Variants in OTOR observed in about 807,000 individuals in gnomAD.
OTOR encodes the protein fibrocyte-derived protein.
OTOR carries 20 observed loss-of-function variants against 15.9 expected under a neutral mutation model. The ratio of observed to expected loss-of-function variants is 1.26; its 90% CI spans 0.89 to 1.83. The LOEUF (loss-of-function observed/expected upper bound fraction) is 1.83, where lower values mean the gene tolerates loss of function less well. OTOR is among the 40% of genes most tolerant of loss of function. The probability of loss-of-function intolerance (pLI) is 0.00; values close to 1 mark genes in which losing one functional copy is unlikely to be tolerated. For missense variants in OTOR, 184 were observed against 159.0 expected (o/e 1.16, Z -0.85); for synonymous variants, 53 against 54.2 (o/e 0.98, Z 0.09).
chr20:16,749,135 A>G, intron 2 of OTOR, 129 bp downstream of exon 2: 2 of 531,354 alleles, frequency 3.8e-6, no homozygotes, highest in East Asian at 6.8e-5. Context: ...GGAAATGCAA[A>G]AATTCAGGTA....
Position 16,752,131 on chromosome 20 carries a change from T to A in OTOR, c.*1013T>A, listed in dbSNP as rs982819875. On this transcript the variant is annotated 3_prime_UTR_variant, in exon 4 of 4. Transcript: ENST00000246081. ...GATGTAGTCATGAGTTTTTCTTTGTTTGCATATAATTAAAATGCCTCTACT... is the reference window on the plus strand; with the variant it reads ...GATGTAGTCATGAGTTTTTCTTTGTATGCATATAATTAAAATGCCTCTACT... 2.0e-5 allele frequency: 3 copies of A among 152,254 alleles called. No homozygotes were observed. The highest frequency in any genetic ancestry group is 7.2e-5 in the African/African-American group (3 of 41,472). 9.4% of individuals were successfully genotyped at this position (152,254 alleles called of 1,614,324 possible). A position where few individuals can be genotyped will look rare whatever the true frequency, so the allele number is the denominator to read the frequency against.
At position 16,751,253 on chromosome 20, in the gene OTOR, A is replaced by G. The variant is rs556874670; in HGVS notation, c.*135A>G. 9.7e-6 allele frequency: 6 copies of G among 616,816 alleles called. No individual in the cohort carries two copies. Among genetic ancestry groups the G allele is most frequent in the South Asian group, 2.2e-5 (1 of 44,732 alleles). 38.2% of individuals were successfully genotyped at this position (616,816 alleles called of 1,614,324 possible). On this transcript the variant is annotated 3_prime_UTR_variant, in exon 4 of 4. Coordinates refer to ENST00000246081, the MANE Select transcript of OTOR (RefSeq NM_020157.4). ...TTACCTTACAGAAGAGCAAGGGCTT[A>G]GGGGTTGGAGGTGGCAGATAAAAGA... is the stretch of plus-strand genomic sequence containing the variant.
intron 3 of OTOR, among the ~76,000 whole-genome samples, chr20:16,750,805 G>A (rs548162208): frequency 6.6e-6 from 1 of 152,278 alleles, no homozygotes; most frequent in Admixed American, 6.5e-5. Flanking sequence ...GCTAATTGTT[G>A]TGCTTCAAAC....
chr20:16,749,056 T>C lies in OTOR; in HGVS notation c.255+50T>C, dbSNP rs370411087. On this transcript the variant is annotated intron_variant, in intron 2 of 3. Transcript: ENST00000246081. ...ACGAATATTGCTCTTAACCTTTCCT[T>C]GATTACCTACCTTCAACCTATTTTA... 21 of 1,360,874 alleles carry C rather than the reference T, an allele frequency of 1.5e-5. No individual in the cohort carries two copies. The African/African-American group carries it at 2.7e-4, about 17-fold the overall frequency. The allele number at this position is 1,360,874 out of a possible 1,614,324, so 84.3% of individuals were successfully genotyped here.
intron 3 of OTOR, 148 bp from the exon 4 acceptor site, chr20:16,750,947 A>G (rs1422815092): frequency 1.5e-6 from 1 of 657,112 alleles, no homozygotes; most frequent in Non-Finnish European, 2.6e-6. Flanking sequence ...TTAAAGTGGT[A>G]AATATTTCAT....
rs867802471 is a variant in OTOR at position 16,748,922 on chromosome 20, C to A, written c.171C>A (p.Phe57Leu). Residue 57 changes from phenylalanine to leucine, a missense_variant, in exon 2 of 4, where the codon TTC becomes TTA. Coordinates refer to ENST00000246081, the MANE Select transcript of OTOR (RefSeq NM_020157.4). ...ATTATAATGCCCCGGACTGTAGATTCATTAACGTTAAAAAAGGGCAGCAGA... is the reference window on the plus strand; with the variant it reads ...ATTATAATGCCCCGGACTGTAGATTAATTAACGTTAAAAAAGGGCAGCAGA... ...QEDYNAPDCR[F>L]INVKKGQQIY... The A allele has an allele frequency of 7.4e-6, 12 of 1,611,250 alleles. No homozygotes were observed. Among genetic ancestry groups the A allele is most frequent in the Non-Finnish European group, 1.0e-5 (12 of 1,178,364 alleles).
At chr20:16,750,053 G>C (rs202189493) in intron 3 of OTOR, 43 bp downstream of exon 3, 19 of 1,275,592 alleles carry the variant, frequency 1.5e-5, no homozygotes, top group Admixed American at 7.0e-5. Context: ...CAGATCTTGG[G>C]GCAATGTAGG....
chr20:16,749,834 C>T (rs6075101), intron 2 of OTOR, 69 bp from the exon 3 acceptor site: 666,417 of 1,030,844 alleles, frequency 0.65, 218,127 homozygotes, highest in South Asian at 0.82. Flanking sequence ...GCAAAGAGGA[C>T]GCCTGCGAGT....
intron 2 of OTOR, 58 bp downstream of exon 2, chr20:16,749,064 T>TA (rs1249882770): frequency 4.7e-6 from 6 of 1,277,946 alleles, no homozygotes; most frequent in Non-Finnish European, 6.5e-6. Flanking sequence ...CTTGATTACC[T>TA]ACCTTCAACC....
At chr20:16,749,566 A>G (rs933017845) in intron 2 of OTOR, 4 of 221,168 alleles carry the variant, frequency 1.8e-5, no homozygotes, top group African/African-American at 6.8e-5. Context: ...ATCATTTAAA[A>G]TAAGTGTCTA....
At chr20:16,749,157 G>T in intron 2 of OTOR, 151 bp downstream of exon 2, 1 of 461,590 alleles carries the variant, frequency 2.2e-6, no homozygotes, top group Non-Finnish European at 3.6e-6. Flanking sequence ...ATTTGCTATT[G>T]CATTTTAAAG....
At position 16,748,974 on chromosome 20, in the gene OTOR, G is replaced by T. The variant is rs745852897; in HGVS notation, c.223G>T (p.Glu75Ter). 22 of 1,607,310 alleles carry T rather than the reference G, an allele frequency of 1.4e-5. No individual in the cohort carries two copies. In the East Asian group the frequency reaches 4.7e-4, roughly 34 times the overall value. Residue 75 changes from glutamate (E) to a stop codon, truncating the protein, a stop_gained, in exon 2 of 4, where the codon GAA becomes TAA. Transcript: ENST00000246081. LOFTEE classifies it high-confidence loss of function. ...CTATGTGTACTCAAAGCTGGTAAAA[G>T]AAAATGGAGCTGGAGAATTTTGGGC... Reference protein sequence around the residue: ...QIYVYSKLVKENGAGEFWAGS... With the variant: ...QIYVYSKLVK
chr20:16,748,958 C>T lies in OTOR; in HGVS notation c.207C>T (p.Tyr69=), dbSNP rs2122519357. ...NVKKGQQIYV[Y]SKLVKENGAG... The stretch of plus-strand genomic sequence containing the variant: ...AAAAAGGGCAGCAGATCTATGTGTA[C>T]TCAAAGCTGGTAAAAGAAAATGGAG... Residue 69 remains tyrosine (Y), a synonymous_variant, in exon 2 of 4, where the codon TAC becomes TAT. Transcript: ENST00000246081. 1 of 1,611,674 alleles carries T rather than the reference C, an allele frequency of 6.2e-7. No homozygotes were observed. The highest frequency in any genetic ancestry group is 2.2e-5 in the East Asian group (1 of 44,732).
At position 16,751,083 on chromosome 20, in the gene OTOR, G is replaced by A. The variant is rs1440418817; in HGVS notation, c.364-12G>A. 3.3e-6 allele frequency: 5 copies of A among 1,529,898 alleles called. No homozygotes were observed. In the Middle Eastern group the frequency reaches 8.6e-4, roughly 264 times the overall value. 94.8% of individuals were successfully genotyped at this position (1,529,898 alleles called of 1,614,324 possible). ...TTTCGTTCAATCTTTTTTTGTTTTT[G>A]TTTTTTTCCAGGATATTGACTTCTT... is the stretch of plus-strand genomic sequence containing the variant. On this transcript the variant is annotated splice_polypyrimidine_tract_variant and intron_variant, in intron 3 of 3. Coordinates refer to ENST00000246081, the MANE Select transcript of OTOR (RefSeq NM_020157.4).
chr20:16,751,191 C>T lies in OTOR; in HGVS notation c.*73C>T. ...AAAGAGCAAAAGTGGCCAAAAAATG[C>T]ATGTCTGTAATTTTGGACTGACGTT... On this transcript the variant is annotated 3_prime_UTR_variant, in exon 4 of 4. Coordinates refer to ENST00000246081, the MANE Select transcript of OTOR (RefSeq NM_020157.4). The T allele has an allele frequency of 9.5e-7, 1 of 1,054,174 alleles. No individual in the cohort carries two copies. Among genetic ancestry groups the T allele is most frequent in the Non-Finnish European group, 1.4e-6 (1 of 721,024 alleles). 65.3% of individuals were successfully genotyped at this position (1,054,174 alleles called of 1,614,324 possible).
chr20:16,751,095 G>A lies in OTOR; in HGVS notation c.364G>A (p.Asp122Asn). Residue 122 changes from aspartate (D) to asparagine (N), a missense_variant and splice_region_variant, in exon 4 of 4, where the codon GAT becomes AAT. Asp to Asn is a conservative substitution (Grantham distance 23). Transcript: ENST00000246081. ...QEATKEVPTT[D>N]IDFFCE ...TTTTTTTGTTTTTGTTTTTTTCCAG[G>A]ATATTGACTTCTTCTGCGAGTAATA... 6.5e-7 allele frequency: 1 copy of A among 1,539,378 alleles called. No homozygotes were observed. The highest frequency in any genetic ancestry group is 8.8e-7 in the Non-Finnish European group (1 of 1,137,676).
chr20:16,750,509 G>C (rs960546634), intron 3 of OTOR, among the ~76,000 whole-genome samples: 1 of 149,394 alleles, frequency 6.7e-6, no homozygotes, highest in African/African-American at 2.5e-5. Context: ...AAGTTGTCTT[G>C]CAAAGCAGTC....
chr20:16,750,092 A>G, intron 3 of OTOR, 82 bp downstream of exon 3: 1 of 903,460 alleles, frequency 1.1e-6, no homozygotes, highest in Non-Finnish European at 1.8e-6. Flanking sequence ...CATGCAACTT[A>G]CAAGTTGTAT....
Position 16,750,531 on chromosome 20 carries a change from TA to T in OTOR, c.363+524del, listed in dbSNP as rs777926039. 1.4e-4 allele frequency among the ~76,000 whole-genome samples: 15 copies of T among 108,362 alleles called. No individual in the cohort carries two copies. The South Asian group carries it at 1.4e-3, about 10-fold the overall frequency. 71.1% of individuals were successfully genotyped at this position (108,362 alleles called of 152,430 possible). A position where few individuals can be genotyped will look rare whatever the true frequency, so the allele number is the denominator to read the frequency against. Reference sequence around the variant, plus strand: ...CTTGCAAAGCAGTCTATGTAACAAATAAAGAAACCAAAGTCAGCACTGACTC... The same window carrying T: ...CTTGCAAAGCAGTCTATGTAACAAATAAGAAACCAAAGTCAGCACTGACTC... On this transcript the variant is annotated intron_variant, in intron 3 of 3. Coordinates refer to ENST00000246081, the MANE Select transcript of OTOR (RefSeq NM_020157.4).
Sources: allele counts gnomAD v4.1 joint callset (sites outside exome capture counted in the v4.1 genomes callset), GRCh38; gene constraint gnomAD v4.1.1; transcripts MANE v1.5; gene names NCBI Gene and HGNC (gene_info 2026-07-23, HGNC 2026-07-21).